Variants in XYLB observed in about 807,000 individuals in gnomAD.
XYLB encodes xylulokinase.
A neutral mutation model predicts 78.7 loss-of-function variants in XYLB; 62 were observed. The ratio of observed to expected loss-of-function variants is 0.79; its 90% confidence interval spans 0.64 to 0.97. The LOEUF is 0.97. Among genes scored for constraint, XYLB ranks in the 50% least tolerant of loss-of-function variants. The probability of loss-of-function intolerance (pLI) is 0.00; values close to 1 mark genes in which losing one functional copy is unlikely to be tolerated. For missense variants in XYLB, 687 were observed against 676.8 expected, an observed-to-expected ratio of 1.02 and a Z score of -0.17; for synonymous variants, 245 against 247.4, an observed-to-expected ratio of 0.99 and a Z score of 0.09.
chr3:38,372,714 G>A lies in XYLB; in HGVS notation c.825G>A (p.Val275=), dbSNP rs778539006. The change falls in exon 10 of 19, where the codon GTG becomes GTA. Residue 275 remains valine, a synonymous_variant. Coordinates refer to ENST00000207870, the MANE Select transcript of XYLB (RefSeq NM_005108.4). ...RYGFPPGCKV[V]AFTGDNPASL... ...GATTTCCTCCAGGATGCAAAGTGGT[G>A]GCCTTCACTGGGGACAACCCAGGTG... The A allele has an allele frequency of 1.9e-6, 3 of 1,614,104 alleles. No homozygotes were observed. Among genetic ancestry groups the A allele is most frequent in the Admixed American group, 1.7e-5 (1 of 60,026 alleles).
chr3:38,422,488 T>TA (rs1399947740), downstream of XYLB, among the ~76,000 whole-genome samples: 1 of 152,168 alleles, frequency 6.6e-6, no homozygotes, highest in African/African-American at 2.4e-5. Flanking sequence ...GGTTGGGAGA[T>TA]ACAGGAGCGG....
intron 4 of XYLB, 85 bp downstream of exon 4, chr3:38,363,102 G>C (rs1706064204): frequency 8.8e-7 from 1 of 1,141,458 alleles, no homozygotes; most frequent in African/African-American, 1.6e-5. Context: ...GCAACCCTTG[G>C]ATGGGGAGCG....
In XYLB at chr3:38,348,337, A is replaced by G. The variant is rs111628049; in HGVS notation, c.58-213A>G. Among the ~76,000 whole-genome samples the G allele has an allele frequency of 1.5e-3, 230 of 152,286 alleles. 1 individual carries two copies. The highest frequency in any genetic ancestry group is 2.7e-3 in the South Asian group (13 of 4,824). On this transcript the variant is annotated intron_variant, in intron 1 of 18. Coordinates refer to ENST00000207870, the MANE Select transcript of XYLB (RefSeq NM_005108.4). ...TTGAGACATGTGGGTGTTCCTACTT[A>G]GCCTCAGTTTCTTCATTTTACTAAA...
rs115264480 is a variant in XYLB at position 38,356,033 on chromosome 3, C to G, written c.141-4306C>G. ...TGGGATTACAGAGGCGGGCACATCA[C>G]GAGGTCAGGAGATCGAGACCATCCT... On this transcript the variant is annotated intron_variant, in intron 2 of 18. Transcript: ENST00000207870. 1.9e-3 allele frequency: 858 copies of G among 442,990 alleles called. 5 individuals carry two copies. Among genetic ancestry groups the G allele is most frequent in the African/African-American group, 0.016 (790 of 50,620 alleles). 27.4% of individuals were successfully genotyped at this position (442,990 alleles called of 1,614,324 possible). A position where few individuals can be genotyped will look rare whatever the true frequency, so the allele number is the denominator to read the frequency against.
Position 38,368,235 on chromosome 3 carries a change from C to T in XYLB, c.624C>T (p.Tyr208=). 1 of 1,614,188 alleles carries T rather than the reference C, an allele frequency of 6.2e-7. No individual in the cohort carries two copies. Among genetic ancestry groups the T allele is most frequent in the Non-Finnish European group, 8.5e-7 (1 of 1,180,022 alleles). The part of the protein sequence containing the change: ...SFAASLFLGS[Y]SPIDYSDGSG... ...CTGCTTCCCTGTTCCTTGGCTCTTA[C>T]TCCCCTATTGACTACAGTGATGGTG... Residue 208 remains tyrosine, a synonymous_variant, in exon 8 of 19, where the codon TAC becomes TAT. Transcript: ENST00000207870.
At chr3:38,425,043 G>A (rs1340766794), downstream of XYLB, among the ~76,000 whole-genome samples, 1 of 152,212 alleles carries the variant, frequency 6.6e-6, no homozygotes, top group Non-Finnish European at 1.5e-5. Context: ...TTGCCAAATG[G>A]TGCATTCCTC....
downstream of XYLB, among the ~76,000 whole-genome samples, chr3:38,417,452 A>C (rs1708833108): frequency 6.6e-6 from 1 of 152,192 alleles, no homozygotes. Context: ...AGTAGACTCC[A>C]ATCAGACACA....
chr3:38,351,493 A>G (rs1434595595), intron 2 of XYLB, among the ~76,000 whole-genome samples: 3 of 152,128 alleles, frequency 2.0e-5, no homozygotes, highest in Non-Finnish European at 4.4e-5. Context: ...CATCACCTCA[A>G]TTGCATTGTG....
the XYLB span, among the ~76,000 whole-genome samples, chr3:38,448,709 A>C: frequency 6.6e-6 from 1 of 152,248 alleles, no homozygotes; most frequent in Admixed American, 6.5e-5. Flanking sequence ...CAAGTTGATC[A>C]TGTCAAGGCT....
the XYLB span, among the ~76,000 whole-genome samples, chr3:38,438,692 A>G: frequency 1.3e-5 from 2 of 152,190 alleles, no homozygotes; most frequent in Non-Finnish European, 2.9e-5. Flanking sequence ...TATTGTGAAG[A>G]GCAAAAGAAC....
chr3:38,419,600 AT>A (rs1559628787), downstream of XYLB, among the ~76,000 whole-genome samples: 21 of 125,078 alleles, frequency 1.7e-4, 2 homozygotes, highest in East Asian at 2.3e-3. Flanking sequence ...ATATATATAT[AT>A]ATAATAGCCA....
At position 38,400,959 on chromosome 3, in the gene XYLB, G is replaced by A; in HGVS notation, c.1507G>A (p.Ala503Thr). 5 of 1,614,210 alleles carry A rather than the reference G, an allele frequency of 3.1e-6. No individual in the cohort carries two copies. Among genetic ancestry groups the A allele is most frequent in the Non-Finnish European group, 4.2e-6 (5 of 1,180,032 alleles). Residue 503 changes from alanine (A) to threonine (T), a missense_variant, in exon 18 of 19, where the codon GCT becomes ACT. Physicochemically the swap from Ala to Thr is moderately conservative, Grantham distance 58 (BLOSUM62 0). Transcript: ENST00000207870. ...VKLAPNPRLA[A>T]TPSPGASQVY... is the part of the protein sequence containing the mutation. ...GTTAGCTCCAAATCCCAGACTAGCT[G>A]CTACCCCAAGCCCGGGAGCTTCTCA... is the stretch of plus-strand genomic sequence containing the variant.
At chr3:38,399,985 A>T (rs1390855611) in intron 17 of XYLB, among the ~76,000 whole-genome samples, 1 of 152,136 alleles carries the variant, frequency 6.6e-6, no homozygotes. Flanking sequence ...TCCCTCATCC[A>T]TTCTGCTCTG....
Position 38,385,008 on chromosome 3 carries a change from G to A in XYLB, c.1291+5666G>A, listed in dbSNP as rs1388934654. On this transcript the variant is annotated intron_variant, in intron 15 of 18. Coordinates refer to ENST00000207870, the MANE Select transcript of XYLB (RefSeq NM_005108.4). ...CTTGTTTTGTTTTGTTTTTGTTTTTGTTCTTGTTTTGAGACAGAGTCTCAC... is the reference window on the plus strand; with the variant it reads ...CTTGTTTTGTTTTGTTTTTGTTTTTATTCTTGTTTTGAGACAGAGTCTCAC... 2.0e-5 allele frequency among the ~76,000 whole-genome samples: 3 copies of A among 152,054 alleles called. No homozygotes were observed. In the East Asian group the frequency reaches 5.8e-4, roughly 29 times the overall value.
chr3:38,379,255 T>A lies in XYLB; in HGVS notation c.1204T>A (p.Phe402Ile). 7.4e-6 allele frequency: 12 copies of A among 1,614,134 alleles called. No homozygotes were observed. Among genetic ancestry groups the A allele is most frequent in the Non-Finnish European group, 1.0e-5 (12 of 1,180,008 alleles). ...FNTENHKVAA[F>I]PGDVEVRALI... is the part of the protein sequence containing the mutation. The stretch of plus-strand genomic sequence containing the variant: ...CTTTTCCTGGAGACAGGTTGCAGCA[T>A]TCCCTGGGGATGTGGAGGTTCGAGC... Residue 402 changes from phenylalanine to isoleucine, a missense_variant, in exon 15 of 19, where the codon TTC (phenylalanine) becomes ATC (isoleucine). Phe to Ile is a conservative substitution (Grantham distance 21). Coordinates refer to ENST00000207870, the MANE Select transcript of XYLB (RefSeq NM_005108.4).
intron 15 of XYLB, among the ~76,000 whole-genome samples, chr3:38,394,083 T>G (rs1707775937): frequency 6.6e-6 from 1 of 152,198 alleles, no homozygotes. Context: ...AATTTTTATT[T>G]AGGTTGAATA....
At position 38,375,228 on chromosome 3, in the gene XYLB, G is replaced by T. The variant is rs764412686; in HGVS notation, c.973G>T (p.Val325Phe). 1 of 1,614,204 alleles carries T rather than the reference G, an allele frequency of 6.2e-7. No individual in the cohort carries two copies. Residue 325 changes from valine to phenylalanine, a missense_variant, in exon 12 of 19, where the codon GTT becomes TTT. Coordinates refer to ENST00000207870, the MANE Select transcript of XYLB (RefSeq NM_005108.4). ...ALEGHIFCNP[V>F]DSQHYMALLC... is the part of the protein sequence containing the mutation. ...GGAAGGCCACATCTTCTGCAACCCG[G>T]TTGACTCCCAGCACTACATGGCACT...
chr3:38,361,797 A>G (rs954993510), intron 3 of XYLB, among the ~76,000 whole-genome samples: 7 of 152,252 alleles, frequency 4.6e-5, no homozygotes, highest in Non-Finnish European at 7.3e-5. Context: ...TTTGATGGGC[A>G]CAGATAGAGA....
At chr3:38,451,638 AC>A in the XYLB span, 1 of 152,586 alleles carries the variant, frequency 6.6e-6, no homozygotes, top group Admixed American at 6.5e-5. Flanking sequence ...AAAAACAAAA[AC>A]AAAAACAAAA....
Sources: allele counts gnomAD v4.1 joint callset (sites outside exome capture counted in the v4.1 genomes callset), GRCh38; gene constraint gnomAD v4.1.1; transcripts MANE v1.5; gene names NCBI Gene and HGNC (gene_info 2026-07-23, HGNC 2026-07-21).